The following DNPH1 variants were observed in gnomAD, a reference collection of about 807,000 sequenced individuals.
DNPH1 encodes 5-hydroxymethyl-dUMP N-hydrolase.
In DNPH1, 18 loss-of-function variants were observed where a neutral mutation model predicts 15.7. That is an observed-to-expected ratio of 1.15 (90% confidence interval 0.79 to 1.70). The LOEUF (loss-of-function observed/expected upper bound fraction) is 1.70. Among genes scored for constraint, DNPH1 ranks in the 40% most tolerant of loss-of-function variants. The pLI is 0.00. For missense variants in DNPH1, 262 were observed against 255.2 expected, an observed-to-expected ratio of 1.03 and a Z score of -0.18; for synonymous variants, 114 against 107.9, an observed-to-expected ratio of 1.06 and a Z score of -0.35.
chr6:43,228,268 G>A (rs12110759), intron 1 of DNPH1, among the ~76,000 whole-genome samples: 3,693 of 151,662 alleles, frequency 0.024, 159 homozygotes, highest in African/African-American at 0.083. Flanking sequence ...ACCAGACTGG[G>A]CAACATAGTG....
chr6:43,228,406 C>T (rs944887682), intron 1 of DNPH1, among the ~76,000 whole-genome samples: 4 of 151,980 alleles, frequency 2.6e-5, no homozygotes, highest in East Asian at 1.9e-4. Flanking sequence ...GAGCTATGAT[C>T]GCACCACTGC....
rs1187870096 is a variant in DNPH1 at position 43,226,142 on chromosome 6, C to A, written c.267G>T (p.Val89=). 1.2e-6 allele frequency: 2 copies of A among 1,613,148 alleles called. No homozygotes were observed. The highest frequency in any genetic ancestry group is 1.3e-5 in the African/African-American group (1 of 75,046). ...QDLEWLQQAD[V]VVAEVTQPSL... Reference sequence around the variant, plus strand: ...ATGGCTGTGTCACTTCTGCCACGACCACTGGGAGGAAAGATGAGAGGAAGC... The same window carrying A: ...ATGGCTGTGTCACTTCTGCCACGACAACTGGGAGGAAAGATGAGAGGAAGC... The change falls in exon 3 of 4, where the codon GTG becomes GTT. Residue 89 remains valine, a splice_region_variant and synonymous_variant. Coordinates refer to ENST00000230431, the MANE Select transcript of DNPH1 (RefSeq NM_006443.3). This position sits in a 1 kb window ranked among gnomAD's most constrained non-coding sequence, Gnocchi z 4.1.
chr6:43,225,845 GA>G lies in DNPH1; in HGVS notation c.412del (p.Ser138LeufsTer44). Reference protein sequence around the residue: ...SAMIRGAADGSRFQVWDYEEG... With the variant: ...SAMIRGAADGXRFQVWDYEEG... ...CTCATAGTCCCACACCTGGAACCGAGAGCCATCTGCTGCTCCCCGGATCATG... is the reference window on the plus strand; with the variant it reads ...CTCATAGTCCCACACCTGGAACCGAGGCCATCTGCTGCTCCCCGGATCATG... On this transcript the variant is annotated frameshift_variant, in exon 4 of 4. Transcript: ENST00000230431. LOFTEE classifies it low-confidence loss of function (END_TRUNC). 6.2e-7 allele frequency: 1 copy of G among 1,614,188 alleles called. No homozygotes were observed.
At chr6:43,225,906 G>A in intron 3 of DNPH1, 25 bp from the exon 4 acceptor site, 1 of 1,614,112 alleles carries the variant, frequency 6.2e-7, no homozygotes. Flanking sequence ...GAAAGGTGAA[G>A]CTGCCTCCCA....
Position 43,229,340 on chromosome 6 carries a change from G to A in DNPH1, c.117C>T (p.Tyr39=). 1 of 1,493,736 alleles carries A rather than the reference G, an allele frequency of 6.7e-7. No homozygotes were observed. The allele number at this position is 1,493,736 out of a possible 1,614,324, so 92.5% of individuals were successfully genotyped here. A position where few individuals can be genotyped will look rare whatever the true frequency, so the allele number is the denominator to read the frequency against. Residue 39 remains tyrosine (Y), a synonymous_variant, in exon 1 of 4, where the codon TAC becomes TAT. Transcript: ENST00000230431. ...IRGGREDRTL[Y]ERIVSRLRRF... ...GCCGCAGCCGAGACACGATCCGCTCGTACAGCGTCCTGTCCTCGCGTCCGC... is the reference window on the plus strand; with the variant it reads ...GCCGCAGCCGAGACACGATCCGCTCATACAGCGTCCTGTCCTCGCGTCCGC...
rs1240637343 is a variant in DNPH1, at chr6:43,229,285, C to A, written c.172G>T (p.Ala58Ser). 9.0e-6 allele frequency: 13 copies of A among 1,442,030 alleles called. No individual in the cohort carries two copies. The highest frequency in any genetic ancestry group is 1.2e-5 in the Non-Finnish European group (13 of 1,096,086). 89.3% of individuals were successfully genotyped at this position (1,442,030 alleles called of 1,614,324 possible). A position where few individuals can be genotyped will look rare whatever the true frequency, so the allele number is the denominator to read the frequency against. ...CCGCGCGCGCCCAGCTCGGCGGCCG[C>A]CACGTGCTCGGTGAGCACTGTCCCG... ...RFGTVLTEHV[A>S]AAELGARGEE... The change falls in exon 1 of 4, where the codon GCG becomes TCG. Residue 58 changes from alanine (A) to serine (S), a missense_variant. Ala to Ser is a moderately conservative substitution (Grantham distance 99). Transcript: ENST00000230431.
chr6:43,229,156 C>A, intron 1 of DNPH1, 105 bp downstream of exon 1: 1 of 1,178,464 alleles, frequency 8.5e-7, no homozygotes, highest in Admixed American at 3.6e-5. Flanking sequence ...CTCCGGGCGC[C>A]GGGAGCGCAG....
Position 43,226,632 on chromosome 6 carries a change from CACTA to C in DNPH1, c.197-241_197-238del. On this transcript the variant is annotated intron_variant, in intron 1 of 3. Transcript: ENST00000230431. The surrounding 1 kb of genome is among the most constrained non-coding windows in gnomAD (Gnocchi z 4.1). ...AGGGCCGAATGAGGAACATCAGCAG[CACTA>C]ACTGTGGATGACATTGATTAGGGAA... 1 of 538,946 alleles carries C rather than the reference CACTA, an allele frequency of 1.9e-6. No individual in the cohort carries two copies. The highest frequency in any genetic ancestry group is 3.3e-6 in the Non-Finnish European group (1 of 305,220). 33.4% of individuals were successfully genotyped at this position (538,946 alleles called of 1,614,324 possible).
At chr6:43,225,980 G>A in intron 3 of DNPH1, 53 bp downstream of exon 3, 1 of 1,613,170 alleles carries the variant, frequency 6.2e-7, no homozygotes, top group Non-Finnish European at 8.5e-7. Context: ...CACCAGGGAA[G>A]GAGCTGAGGG....
rs1225961492 is a variant in DNPH1 at position 43,226,058 on chromosome 6, G to A, written c.351C>T (p.Cys117=). 6.2e-7 allele frequency: 1 copy of A among 1,613,800 alleles called. No individual in the cohort carries two copies. The highest frequency in any genetic ancestry group is 8.5e-7 in the Non-Finnish European group (1 of 1,179,966). The change falls in exon 3 of 4, where the codon TGC becomes TGT. Residue 117 remains cysteine, a synonymous_variant. Transcript: ENST00000230431. This position sits in a 1 kb window ranked among gnomAD's most constrained non-coding sequence, Gnocchi z 4.1. ...RAVAFNKRIL[C]LFRPQSGRVL... ...CGCGGCCAGACTGCGGGCGGAACAG[G>A]CACAGGATCCGCTTGTTAAAGGCCA...
intron 1 of DNPH1, among the ~76,000 whole-genome samples, chr6:43,228,346 T>C (rs959674807): frequency 4.0e-5 from 6 of 151,890 alleles, no homozygotes; most frequent in African/African-American, 1.5e-4. Flanking sequence ...TCCTTGCTAA[T>C]AGGAGGCTGA....
rs1776744241 is a variant in DNPH1 at position 43,226,469 on chromosome 6, A to G, written c.197-74T>C. 1.5e-6 allele frequency: 2 copies of G among 1,378,190 alleles called. No homozygotes were observed. The highest frequency in any genetic ancestry group is 2.0e-6 in the Non-Finnish European group (2 of 1,013,918). The allele number at this position is 1,378,190 out of a possible 1,614,324, so 85.4% of individuals were successfully genotyped here. A position where few individuals can be genotyped will look rare whatever the true frequency, so the allele number is the denominator to read the frequency against. On this transcript the variant is annotated intron_variant, in intron 1 of 3. Transcript: ENST00000230431. The surrounding 1 kb of genome is among the most constrained non-coding windows in gnomAD (Gnocchi z 4.1). Reference sequence around the variant, plus strand: ...GTAACTCCTATGCCCTTGTATGTCCATACCCACCCTGCTCAGGGAGGGTGG... The same window carrying G: ...GTAACTCCTATGCCCTTGTATGTCCGTACCCACCCTGCTCAGGGAGGGTGG...
chr6:43,228,115 GAGAA>G (rs1191069008), intron 1 of DNPH1, among the ~76,000 whole-genome samples: 2 of 151,960 alleles, frequency 1.3e-5, no homozygotes, highest in African/African-American at 4.8e-5. Context: ...TAAATAGAAA[GAGAA>G]AGAAAAACCC....
Position 43,226,325 on chromosome 6 carries a change from A to G in DNPH1, c.265+2T>C. 6.2e-7 allele frequency: 1 copy of G among 1,611,800 alleles called. No individual in the cohort carries two copies. The highest frequency in any genetic ancestry group is 8.5e-7 in the Non-Finnish European group (1 of 1,179,666). On this transcript the variant is annotated splice_donor_variant, in intron 2 of 3. Transcript: ENST00000230431. LOFTEE classifies it high-confidence loss of function. The surrounding 1 kb of genome is among the most constrained non-coding windows in gnomAD (Gnocchi z 4.1). ...GTGCTGGAAGGAGGGAGCGCCACTC[A>G]CCGTCCGCCTGCTGCAGCCACTCCA...
chr6:43,225,918 C>G (rs1776722672), intron 3 of DNPH1, 37 bp from the exon 4 acceptor site: 15 of 1,614,114 alleles, frequency 9.3e-6, no homozygotes, highest in African/African-American at 1.3e-5. Context: ...TGCCTCCCAT[C>G]CACACCCTCA....
intron 1 of DNPH1, among the ~76,000 whole-genome samples, chr6:43,227,796 T>TCCC (rs1776765096): frequency 6.6e-6 from 1 of 151,834 alleles, no homozygotes; most frequent in Non-Finnish European, 1.5e-5. Flanking sequence ...CAAATATGCT[T>TCCC]TAGAGAAATC....
chr6:43,225,737 G>A lies in DNPH1; in HGVS notation c.521C>T (p.Thr174Ile), dbSNP rs147238927. 6.2e-7 allele frequency: 1 copy of A among 1,614,094 alleles called. No homozygotes were observed. The highest frequency in any genetic ancestry group is 8.5e-7 in the Non-Finnish European group (1 of 1,180,024). ...ATTTAAGAAAGTGAGATTAAGTCAAGTGGTTGGGTCAGGGGAGGCAGCCAC... is the reference window on the plus strand; with the variant it reads ...ATTTAAGAAAGTGAGATTAAGTCAAATGGTTGGGTCAGGGGAGGCAGCCAC... Reference protein sequence around the residue: ...GQVAASPDPTT With the variant: ...GQVAASPDPTI The change falls in exon 4 of 4, where the codon ACT becomes ATT. Residue 174 changes from threonine to isoleucine, a missense_variant. Coordinates refer to ENST00000230431, the MANE Select transcript of DNPH1 (RefSeq NM_006443.3).
In DNPH1 at chr6:43,226,175, T is replaced by A. The variant is rs371896577; in HGVS notation, c.266-32A>T. 2.5e-6 allele frequency: 4 copies of A among 1,611,190 alleles called. No individual in the cohort carries two copies. The East Asian group carries it at 6.7e-5, about 27-fold the overall frequency. On this transcript the variant is annotated intron_variant, in intron 2 of 3. Transcript: ENST00000230431. This position sits in a 1 kb window ranked among gnomAD's most constrained non-coding sequence, Gnocchi z 4.1. ...GGAAAGATGAGAGGAAGCCTCAGCA[T>A]TGGGGGCACTTGAGGTTCATAAGGA...
At position 43,226,316 on chromosome 6, in the gene DNPH1, GCGCCACTCACCGTCCGCCTGCTGC is replaced by G. The variant is rs756286130; in HGVS notation, c.252_265+10del. On this transcript the variant is annotated splice_donor_variant and splice_donor_5th_base_variant and coding_sequence_variant and intron_variant, in exon 2 of 4. Transcript: ENST00000230431. LOFTEE classifies it high-confidence loss of function. The surrounding 1 kb of genome is among the most constrained non-coding windows in gnomAD (Gnocchi z 4.1). ...AGGAGTTAGGTGCTGGAAGGAGGGA[GCGCCACTCACCGTCCGCCTGCTGC>G]AGCCACTCCAGGTCCTGCTCATGGA... 6.2e-7 allele frequency: 1 copy of G among 1,611,564 alleles called. No individual in the cohort carries two copies. The highest frequency in any genetic ancestry group is 8.5e-7 in the Non-Finnish European group (1 of 1,179,620).
Sources: allele counts gnomAD v4.1 joint callset (sites outside exome capture counted in the v4.1 genomes callset), GRCh38; gene constraint gnomAD v4.1.1; non-coding constraint Gnocchi (gnomAD v3.1); transcripts MANE v1.5; gene names NCBI Gene and HGNC (gene_info 2026-07-23, HGNC 2026-07-21).